Variants in USP44 observed in about 807,000 individuals in gnomAD.
USP44 encodes ubiquitin carboxyl-terminal hydrolase 44.
USP44 carries 61 observed loss-of-function variants against 69.0 expected under a neutral mutation model. That is an observed-to-expected ratio of 0.88 (90% confidence interval 0.72 to 1.09). The LOEUF is 1.09. Among genes scored for constraint, USP44 ranks in the 50% least tolerant of loss-of-function variants. The probability of loss-of-function intolerance (pLI) is 0.00; values close to 1 mark genes in which losing one functional copy is unlikely to be tolerated. For synonymous variants in USP44, 297 were observed against 295.4 expected, an observed-to-expected ratio of 1.01 and a Z score of -0.06; for missense variants, 753 against 849.9, an observed-to-expected ratio of 0.89 and a Z score of 1.42.
At chr12:95,538,862 A>G (rs905387290) in intron 1 of USP44, among the ~76,000 whole-genome samples, 1 of 152,196 alleles carries the variant, frequency 6.6e-6, no homozygotes, top group Non-Finnish European at 1.5e-5. Context: ...CACTTCCTAT[A>G]TTCCTCTACT....
chr12:95,536,127 C>T (rs2077196700), intron 1 of USP44, among the ~76,000 whole-genome samples: 1 of 149,934 alleles, frequency 6.7e-6, no homozygotes, highest in African/African-American at 2.5e-5. Flanking sequence ...ACTGCAACCT[C>T]CACCTCCCAG....
Position 95,518,178 on chromosome 12 carries a change from G to A in USP44, c.2115C>T (p.Thr705=). 6.2e-7 allele frequency: 1 copy of A among 1,614,142 alleles called. No individual in the cohort carries two copies. Reference sequence around the variant, plus strand: ...ATCAGCTAAGGATTTCATTAGACGAGGTATCAGCGTCTTCATTGGGATGTT... The same window carrying A: ...ATCAGCTAAGGATTTCATTAGACGAAGTATCAGCGTCTTCATTGGGATGTT... ...GSQHPNEDAD[T]SSNEILS is the part of the protein sequence containing the mutation. Residue 705 remains threonine (T), a synonymous_variant, in exon 6 of 6, where the codon ACC becomes ACT. Coordinates refer to ENST00000258499, the MANE Select transcript of USP44 (RefSeq NM_032147.5).
chr12:95,534,105 C>T lies in USP44; in HGVS notation c.152G>A (p.Arg51Lys). ...CLSCSHVACG[R>K]YIEEHALKHF... ...CTTGAGTGCATGCTCTTCAATATAT[C>T]TTCCACAGGCAACATGGGAGCAGCT... is the stretch of plus-strand genomic sequence containing the variant. Residue 51 changes from arginine to lysine, a missense_variant, in exon 2 of 6, where the codon AGA becomes AAA. Physicochemically the swap from Arg to Lys is conservative, Grantham distance 26. Coordinates refer to ENST00000258499, the MANE Select transcript of USP44 (RefSeq NM_032147.5). 1 of 1,614,194 alleles carries T rather than the reference C, an allele frequency of 6.2e-7. No homozygotes were observed. Among genetic ancestry groups the T allele is most frequent in the Non-Finnish European group, 8.5e-7 (1 of 1,180,042 alleles).
chr12:95,540,216 C>T (rs527566361), intron 1 of USP44, among the ~76,000 whole-genome samples: 18 of 152,270 alleles, frequency 1.2e-4, no homozygotes, highest in Non-Finnish European at 2.4e-4. Flanking sequence ...AGTCAGCTTA[C>T]CTACGCAACT....
At chr12:95,527,684 C>T (rs1425514678) in intron 3 of USP44, among the ~76,000 whole-genome samples, 2 of 151,858 alleles carry the variant, frequency 1.3e-5, no homozygotes, top group Non-Finnish European at 2.9e-5. Flanking sequence ...GGGGTTTCGC[C>T]ATGTTGGCCA....
chr12:95,517,045 A>G lies in USP44; in HGVS notation c.*1109T>C, dbSNP rs1027507104. On this transcript the variant is annotated 3_prime_UTR_variant, in exon 6 of 6. Coordinates refer to ENST00000258499, the MANE Select transcript of USP44 (RefSeq NM_032147.5). ...GTGAGATTATCAGAAGAAGAAAAAG[A>G]GTGACTCACACTGTATTTTTTTTTG... 3.3e-5 allele frequency: 5 copies of G among 150,874 alleles called. No homozygotes were observed. Among genetic ancestry groups the G allele is most frequent in the African/African-American group, 1.2e-4 (5 of 40,688 alleles). The allele number at this position is 150,874 out of a possible 1,614,324, so 9.3% of individuals were successfully genotyped here.
At chr12:95,538,466 C>G (rs936335181) in intron 1 of USP44, among the ~76,000 whole-genome samples, 13 of 151,872 alleles carry the variant, frequency 8.6e-5, no homozygotes, top group African/African-American at 2.4e-4. Flanking sequence ...CTAAGCCCAA[C>G]TAAGGTGCTA....
At position 95,520,944 on chromosome 12, in the gene USP44, G is replaced by T; in HGVS notation, c.1939+53C>A. 2.6e-6 allele frequency: 4 copies of T among 1,548,910 alleles called. No individual in the cohort carries two copies. In the South Asian group the frequency reaches 4.5e-5, roughly 17 times the overall value. On this transcript the variant is annotated intron_variant, in intron 5 of 5. Transcript: ENST00000258499. ...TCAATTTAGAAATCGGTTAAAGCCT[G>T]AACTCCAGCCTCCAAGTCCAACCCA...
At chr12:95,543,334 G>A (rs907511330) in intron 1 of USP44, among the ~76,000 whole-genome samples, 5 of 150,052 alleles carry the variant, frequency 3.3e-5, no homozygotes, top group Non-Finnish European at 7.4e-5. Flanking sequence ...CTGGGAGGCG[G>A]TGGTGGTTGC....
At chr12:95,519,790 G>A (rs776277216) in intron 5 of USP44, among the ~76,000 whole-genome samples, 17 of 150,006 alleles carry the variant, frequency 1.1e-4, no homozygotes, top group Non-Finnish European at 2.1e-4. Context: ...CTGTAAACCC[G>A]GCACTTTGGG....
chr12:95,541,949 G>A (rs1280490660), intron 1 of USP44, among the ~76,000 whole-genome samples: 1 of 141,952 alleles, frequency 7.0e-6, no homozygotes, highest in African/African-American at 2.7e-5. Flanking sequence ...GTGTGATCTT[G>A]GCTCACTGCA....
intron 1 of USP44, among the ~76,000 whole-genome samples, 187 bp from the exon 2 acceptor site, chr12:95,534,513 A>T (rs2077135215): frequency 6.6e-6 from 1 of 152,122 alleles, no homozygotes; most frequent in African/African-American, 2.4e-5. Flanking sequence ...CTCTGAAAGC[A>T]CAGACACTTC....
At chr12:95,542,533 A>G (rs2077422839) in intron 1 of USP44, among the ~76,000 whole-genome samples, 1 of 152,082 alleles carries the variant, frequency 6.6e-6, no homozygotes, top group African/African-American at 2.4e-5. Flanking sequence ...TGGGAGGCCA[A>G]GGTGGGCAGA....
chr12:95,527,765 G>A (rs1051727791), intron 3 of USP44, among the ~76,000 whole-genome samples: 2 of 151,534 alleles, frequency 1.3e-5, no homozygotes, highest in African/African-American at 4.9e-5. Context: ...GATTACAGGC[G>A]TAAGCCACCG....
intron 1 of USP44, among the ~76,000 whole-genome samples, chr12:95,539,779 T>C (rs1252934893): frequency 1.3e-5 from 2 of 152,210 alleles, no homozygotes; most frequent in African/African-American, 2.4e-5. Flanking sequence ...TAATTTTATG[T>C]AGAATTAGTA....
At chr12:95,526,902 T>C (rs1466252114) in intron 3 of USP44, among the ~76,000 whole-genome samples, 1 of 152,084 alleles carries the variant, frequency 6.6e-6, no homozygotes. Flanking sequence ...AAGTATATCT[T>C]ATTCTTTTTT....
At chr12:95,551,112 ATT>A (rs1242154781) in intron 1 of USP44, among the ~76,000 whole-genome samples, 158 bp downstream of exon 1, 1 of 151,858 alleles carries the variant, frequency 6.6e-6, no homozygotes, top group African/African-American at 2.4e-5. Context: ...TTGCAATTTT[ATT>A]TTTACATAGC....
intron 2 of USP44, among the ~76,000 whole-genome samples, chr12:95,529,834 T>C (rs545276341): frequency 6.6e-6 from 1 of 151,664 alleles, no homozygotes; most frequent in South Asian, 2.1e-4. Flanking sequence ...TATGCAGATT[T>C]TAAGGCCCTG....
Position 95,534,215 on chromosome 12 carries a change from C to A in USP44, c.42G>T (p.Gln14His). 1 of 1,613,838 alleles carries A rather than the reference C, an allele frequency of 6.2e-7. No homozygotes were observed. Residue 14 changes from glutamine (Q) to histidine (H), a missense_variant, in exon 2 of 6, where the codon CAG (glutamine) becomes CAT (histidine). By Grantham distance (24) the Gln-to-His change is conservative (BLOSUM62 0). Transcript: ENST00000258499. ...TGAGGCTGGAATGGTCTTGAGCAAG[C>A]TGCAGCTGCCCAACATGTTTGCACG... ...MDTCKHVGQL[Q>H]LAQDHSSLNP...
Sources: gnomAD v4.1 joint callset for allele counts (sites outside exome capture counted in the v4.1 genomes callset) on GRCh38, gnomAD v4.1.1 for gene constraint, MANE v1.5 for transcripts, NCBI Gene and HGNC (gene_info 2026-07-23, HGNC 2026-07-21) for gene names.